Variants in GLI2 observed in about 807,000 individuals in gnomAD.
GLI2 encodes the protein transcription activator GLI2.
A neutral mutation model predicts 78.9 loss-of-function variants in GLI2; 22 were observed. The observed-to-expected ratio is 0.28, with a 90% CI of 0.20 to 0.40. The LOEUF (loss-of-function observed/expected upper bound fraction) is 0.40, where lower values mean the gene tolerates loss of function less well. Among genes scored for constraint, GLI2 ranks in the 10% least tolerant of loss-of-function variants. GLI2 has a pLI of 1.00. For missense variants in GLI2, 2,097 were observed against 2,213.2 expected (o/e 0.95, Z 1.05); for synonymous variants, 974 against 963.7 (o/e 1.01, Z -0.20).
chr2:120,827,330 A>G (rs1686122165), intron 2 of GLI2, among the ~76,000 whole-genome samples: 3 of 152,220 alleles, frequency 2.0e-5, no homozygotes, highest in Admixed American at 2.0e-4. Flanking sequence ...GTGGGGATTC[A>G]TACCCATACT....
chr2:120,941,685 G>T (rs1336296199), intron 3 of GLI2, among the ~76,000 whole-genome samples: 1 of 152,234 alleles, frequency 6.6e-6, no homozygotes, highest in East Asian at 1.9e-4. Flanking sequence ...CTGGTCCTGA[G>T]CAGCTCCGCA....
chr2:120,883,666 G>A (rs1406856120), intron 2 of GLI2, among the ~76,000 whole-genome samples: 4 of 152,196 alleles, frequency 2.6e-5, no homozygotes, highest in Non-Finnish European at 4.4e-5. Flanking sequence ...TGAGGAAACC[G>A]AGGCTCAGAG....
intron 2 of GLI2, among the ~76,000 whole-genome samples, chr2:120,850,482 A>G (rs566400750): frequency 6.6e-6 from 1 of 152,266 alleles, no homozygotes; most frequent in East Asian, 1.9e-4. Context: ...GGGGACAATA[A>G]GGCTATCTTC....
intron 2 of GLI2, among the ~76,000 whole-genome samples, chr2:120,914,635 C>G (rs908036690): frequency 2.0e-5 from 3 of 152,184 alleles, no homozygotes; most frequent in African/African-American, 7.2e-5. Context: ...TCCCAGGTGT[C>G]CCTCTGGAGC....
intron 2 of GLI2, among the ~76,000 whole-genome samples, chr2:120,837,123 G>A (rs1013133705): frequency 3.9e-5 from 6 of 152,218 alleles, no homozygotes; most frequent in Admixed American, 2.6e-4. Flanking sequence ...GGCCGGGCGC[G>A]GTGGCTCACG....
intron 2 of GLI2, among the ~76,000 whole-genome samples, chr2:120,919,501 T>C (rs1248336302): frequency 6.6e-6 from 1 of 152,124 alleles, no homozygotes; most frequent in Non-Finnish European, 1.5e-5. Flanking sequence ...GCTGGGAAGG[T>C]GCATGTGGGC....
chr2:120,832,068 G>C (rs565535660), intron 2 of GLI2, among the ~76,000 whole-genome samples: 1 of 152,294 alleles, frequency 6.6e-6, no homozygotes, highest in East Asian at 1.9e-4. Flanking sequence ...GTACTTGCTT[G>C]GTGGAGAGGA....
Position 120,988,500 on chromosome 2 carries a change from G to C in GLI2, c.2535G>C (p.Ala845=). The change falls in exon 14 of 14, where the codon GCG becomes GCC. Residue 845 remains alanine (A), a synonymous_variant. Coordinates refer to ENST00000361492, the MANE Select transcript of GLI2 (RefSeq NM_001374353.1). ...CCTACGACCCCATCTCCACGGACGC[G>C]TCGCGGCGCTCGAGCGAGGCCAGCC... The part of the protein sequence containing the change: ...ADSYDPISTD[A]SRRSSEASQC... 6.5e-7 allele frequency: 1 copy of C among 1,534,864 alleles called. No individual in the cohort carries two copies. Among genetic ancestry groups the C allele is most frequent in the African/African-American group, 1.4e-5 (1 of 70,398 alleles).
At chr2:120,875,314 C>A (rs1001514809) in intron 2 of GLI2, among the ~76,000 whole-genome samples, 1 of 152,208 alleles carries the variant, frequency 6.6e-6, no homozygotes, top group Non-Finnish European at 1.5e-5. Flanking sequence ...TGGACCACAT[C>A]TAGAGGGAAG....
intron 2 of GLI2, 30 bp downstream of exon 2, chr2:120,797,498 A>T: frequency 1.2e-6 from 2 of 1,606,270 alleles, no homozygotes; most frequent in Non-Finnish European, 1.7e-6. Flanking sequence ...CTTGGAGGGC[A>T]GCAGGGGTGT....
intron 2 of GLI2, among the ~76,000 whole-genome samples, chr2:120,914,830 G>A (rs539949689): frequency 2.8e-4 from 42 of 152,214 alleles, no homozygotes; most frequent in Non-Finnish European, 5.6e-4. Flanking sequence ...TAAGGACACC[G>A]AGGCACAGGA....
chr2:120,978,727 C>T (rs1682579290), intron 10 of GLI2, 144 bp downstream of exon 10: 3 of 887,644 alleles, frequency 3.4e-6, no homozygotes, highest in African/African-American at 1.7e-5. Flanking sequence ...GGAGCCTGTT[C>T]CCACCCTGCC....
chr2:120,857,144 G>C (rs1044726080), intron 2 of GLI2, among the ~76,000 whole-genome samples: 1 of 152,136 alleles, frequency 6.6e-6, no homozygotes, highest in African/African-American at 2.4e-5. Flanking sequence ...TGAAGCCACT[G>C]CCCACTCTGT....
At chr2:120,766,892 G>A (rs1408817848) in intron 1 of GLI2, among the ~76,000 whole-genome samples, 1 of 152,170 alleles carries the variant, frequency 6.6e-6, no homozygotes, top group Non-Finnish European at 1.5e-5. Context: ...CGCTATGGAG[G>A]GCCTGTTCCC....
At chr2:120,865,109 G>A (rs1267759354) in intron 2 of GLI2, among the ~76,000 whole-genome samples, 7 of 152,172 alleles carry the variant, frequency 4.6e-5, no homozygotes, top group African/African-American at 1.7e-4. Context: ...TTCCATCTAT[G>A]GGTAGTATCC....
At chr2:120,984,795 C>T (rs1553477662) in intron 12 of GLI2, 52 bp downstream of exon 12, 1 of 1,588,362 alleles carries the variant, frequency 6.3e-7, no homozygotes, top group Non-Finnish European at 8.6e-7. Flanking sequence ...TAGCCGTGCC[C>T]AGGGCCACCC....
In GLI2 at chr2:120,899,348, TC is replaced by T. The variant is rs1448452708; in HGVS notation, c.149-28011del. ...ACTTTAGGGGTTTGCTTCCAGGACT[TC>T]CTTTTTTGGAAGTATGTTCTTTTTC... On this transcript the variant is annotated intron_variant, in intron 2 of 13. Transcript: ENST00000361492. 2.0e-5 allele frequency among the ~76,000 whole-genome samples: 3 copies of T among 152,100 alleles called. No individual in the cohort carries two copies. The East Asian group carries it at 5.8e-4, about 29-fold the overall frequency.
chr2:120,758,958 G>A (rs1335764538), intron 1 of GLI2, among the ~76,000 whole-genome samples: 2 of 152,184 alleles, frequency 1.3e-5, no homozygotes, highest in African/African-American at 4.8e-5. Flanking sequence ...AAGTGGACAC[G>A]ATGACTGGGG....
intron 2 of GLI2, among the ~76,000 whole-genome samples, chr2:120,850,424 T>A (rs1194986386): frequency 6.6e-6 from 1 of 152,074 alleles, no homozygotes; most frequent in Non-Finnish European, 1.5e-5. Context: ...GAATTTGCCC[T>A]GGGAAATTAG....
Sources: gnomAD v4.1 joint callset for allele counts (sites outside exome capture counted in the v4.1 genomes callset) on GRCh38, gnomAD v4.1.1 for gene constraint, MANE v1.5 for transcripts, NCBI Gene and HGNC (gene_info 2026-07-23, HGNC 2026-07-21) for gene names.